The following PUM3 variants were observed in gnomAD, a reference collection of about 807,000 sequenced individuals.
PUM3 encodes the protein pumilio homolog 3.
A neutral mutation model predicts 84.0 loss-of-function variants in PUM3; 91 were observed. The observed-to-expected ratio is 1.08, with a 90% CI of 0.91 to 1.29. PUM3 has a LOEUF of 1.29. PUM3 is among the 50% of genes most tolerant of loss of function. PUM3 has a pLI of 0.00. For synonymous variants in PUM3, 321 were observed against 266.7 expected (o/e 1.20, Z -1.98); for missense variants, 1,067 against 767.5 (o/e 1.39, Z -4.61).
At chr9:2,821,254 C>T (rs1011595332) in intron 12 of PUM3, among the ~76,000 whole-genome samples, 1 of 151,922 alleles carries the variant, frequency 6.6e-6, no homozygotes, top group Non-Finnish European at 1.5e-5. Context: ...ACCATCCTGG[C>T]TAACAGGGTG....
chr9:2,830,895 A>G (rs547608265), intron 7 of PUM3, 67 bp downstream of exon 7: 78 of 799,968 alleles, frequency 9.8e-5, no homozygotes, highest in Non-Finnish European at 1.6e-4. Context: ...CTCGCATCTG[A>G]GCACAGTTGG....
intron 14 of PUM3, 133 bp downstream of exon 14, chr9:2,812,087 T>C (rs564759331): frequency 1.0e-5 from 8 of 780,760 alleles, no homozygotes; most frequent in Middle Eastern, 3.7e-4. Flanking sequence ...GTCAAAAATA[T>C]AGGCTTGAAA....
chr9:2,828,666 C>A lies in PUM3; in HGVS notation c.956+9G>T. On this transcript the variant is annotated intron_variant, in intron 9 of 17. Coordinates refer to ENST00000397885, the MANE Select transcript of PUM3 (RefSeq NM_014878.5). ...TTTCTTAAGAACAAAACAAAAACAA[C>A]TTTCTTACTTTTGGGCCATTGGAGT... 6.7e-7 allele frequency: 1 copy of A among 1,494,432 alleles called. No individual in the cohort carries two copies. Among genetic ancestry groups the A allele is most frequent in the Admixed American group, 1.7e-5 (1 of 57,596 alleles). 92.6% of individuals were successfully genotyped at this position (1,494,432 alleles called of 1,614,324 possible).
intron 1 of PUM3, among the ~76,000 whole-genome samples, chr9:2,842,630 T>C (rs1386739558): frequency 1.3e-5 from 2 of 152,052 alleles, no homozygotes; most frequent in African/African-American, 4.8e-5. Flanking sequence ...TCTCCACACT[T>C]CTCCCTAGGT....
At chr9:2,825,068 T>C (rs1815774992) in intron 10 of PUM3, among the ~76,000 whole-genome samples, 1 of 152,100 alleles carries the variant, frequency 6.6e-6, no homozygotes, top group Admixed American at 6.5e-5. Context: ...TTTACCAATG[T>C]CTGTTAAAAA....
chr9:2,831,229 A>G (rs1815970443), intron 6 of PUM3, 22 bp downstream of exon 6: 1 of 1,435,176 alleles, frequency 7.0e-7, no homozygotes, highest in South Asian at 1.2e-5. Context: ...TGATAACATA[A>G]TCTTTAGTAT....
chr9:2,820,482 T>C (rs77247229), intron 12 of PUM3, among the ~76,000 whole-genome samples: 1 of 152,030 alleles, frequency 6.6e-6, no homozygotes, highest in Non-Finnish European at 1.5e-5. Flanking sequence ...TAAACACATA[T>C]ATGATACTCC....
At chr9:2,811,636 G>T in intron 14 of PUM3, 53 bp from the exon 15 acceptor site, 1 of 1,355,912 alleles carries the variant, frequency 7.4e-7, no homozygotes, top group Non-Finnish European at 1.0e-6. Flanking sequence ...CAAAGGAAAT[G>T]TGGTGATATT....
chr9:2,815,345 A>G (rs1821449573), intron 13 of PUM3, among the ~76,000 whole-genome samples: 1 of 152,078 alleles, frequency 6.6e-6, no homozygotes, highest in Non-Finnish European at 1.5e-5. Context: ...AAAGAGTACT[A>G]CTCCATTTCT....
intron 7 of PUM3, 115 bp downstream of exon 7, chr9:2,830,847 G>A (rs367988292): frequency 3.1e-6 from 2 of 637,294 alleles, no homozygotes; most frequent in Non-Finnish European, 5.6e-6. Flanking sequence ...TCTGCTGAGA[G>A]CCATTACTAT....
chr9:2,809,186 G>A (rs1186862997), intron 16 of PUM3, among the ~76,000 whole-genome samples: 1 of 152,116 alleles, frequency 6.6e-6, no homozygotes, highest in East Asian at 1.9e-4. Context: ...AAGTTTTAAG[G>A]TGGCTACTAT....
At chr9:2,808,610 A>G (rs553816870) in intron 16 of PUM3, among the ~76,000 whole-genome samples, 1 of 152,202 alleles carries the variant, frequency 6.6e-6, no homozygotes, top group African/African-American at 2.4e-5. Flanking sequence ...GTACTATATA[A>G]TTCATTCAAA....
intron 15 of PUM3, 51 bp from the exon 16 acceptor site, chr9:2,810,482 A>G (rs773649446): frequency 8.2e-7 from 1 of 1,223,202 alleles, no homozygotes; most frequent in African/African-American, 1.5e-5. Flanking sequence ...CATTCATACA[A>G]ATACATTTGA....
intron 4 of PUM3, among the ~76,000 whole-genome samples, chr9:2,833,775 T>C (rs1050638088): frequency 6.6e-6 from 1 of 152,166 alleles, no homozygotes; most frequent in African/African-American, 2.4e-5. Flanking sequence ...TTCTCAGAAA[T>C]CTCTCAGGAA....
At chr9:2,835,013 C>CAAAA in intron 3 of PUM3, among the ~76,000 whole-genome samples, 1 of 119,982 alleles carries the variant, frequency 8.3e-6, no homozygotes, top group East Asian at 2.3e-4. Flanking sequence ...GGGAAAAATG[C>CAAAA]AAAAAAAAAA....
chr9:2,828,860 T>A, intron 8 of PUM3, 82 bp from the exon 9 acceptor site: 1 of 798,650 alleles, frequency 1.3e-6, no homozygotes, highest in Non-Finnish European at 2.1e-6. Flanking sequence ...ATTAGTCATT[T>A]TAAAATAAGT....
chr9:2,827,767 G>T (rs913618303), intron 9 of PUM3, among the ~76,000 whole-genome samples: 2 of 152,218 alleles, frequency 1.3e-5, no homozygotes, highest in African/African-American at 4.8e-5. Context: ...GCAAAGCACT[G>T]TTCTGAGTGT....
chr9:2,819,792 C>A (rs1201369672), intron 13 of PUM3, among the ~76,000 whole-genome samples: 1 of 152,018 alleles, frequency 6.6e-6, no homozygotes, highest in African/African-American at 2.4e-5. Context: ...CTTAATTTGA[C>A]CAGTCTTAAA....
At chr9:2,842,205 C>T (rs1816284006) in intron 1 of PUM3, among the ~76,000 whole-genome samples, 1 of 152,094 alleles carries the variant, frequency 6.6e-6, no homozygotes, top group Non-Finnish European at 1.5e-5. Flanking sequence ...TTGGAATTCG[C>T]CCCCCTTTTT....
Sources: allele counts gnomAD v4.1 joint callset (sites outside exome capture counted in the v4.1 genomes callset), GRCh38; gene constraint gnomAD v4.1.1; transcripts MANE v1.5; gene names NCBI Gene and HGNC (gene_info 2026-07-23, HGNC 2026-07-21).